The following PARP12 variants were observed in gnomAD, a reference collection of about 807,000 sequenced individuals.
PARP12 encodes protein mono-ADP-ribosyltransferase PARP12.
A neutral mutation model predicts 72.4 loss-of-function variants in PARP12; 59 were observed. That is an observed-to-expected ratio of 0.81 (90% confidence interval 0.66 to 1.01). The LOEUF (loss-of-function observed/expected upper bound fraction) is 1.01, where lower values mean the gene tolerates loss of function less well. Among genes scored for constraint, PARP12 ranks in the 50% least tolerant of loss-of-function variants. PARP12 has a pLI of 0.00. For missense variants in PARP12, 851 were observed against 914.0 expected (o/e 0.93, Z 0.89); for synonymous variants, 403 against 371.4 (o/e 1.09, Z -0.98).
chr7:140,027,867 A>G (rs1300233272), intron 9 of PARP12, among the ~76,000 whole-genome samples: 3 of 151,892 alleles, frequency 2.0e-5, no homozygotes, highest in Non-Finnish European at 4.4e-5. Flanking sequence ...TGTCCCACAC[A>G]GGTCAAAGAC....
At chr7:140,058,133 T>C (rs1349871164) in intron 1 of PARP12, 99 bp from the exon 2 acceptor site, 2 of 1,382,128 alleles carry the variant, frequency 1.4e-6, no homozygotes, top group Non-Finnish European at 2.0e-6. Flanking sequence ...ATGGCTCTAT[T>C]TGGAAAGAAG....
At chr7:140,062,328 C>T (rs1300364072) in intron 1 of PARP12, among the ~76,000 whole-genome samples, 194 bp downstream of exon 1, 1 of 152,184 alleles carries the variant, frequency 6.6e-6, no homozygotes, top group Non-Finnish European at 1.5e-5. Context: ...CCCACTCGAC[C>T]CTGAGTCCCT....
chr7:140,055,969 C>T (rs1817161142), intron 3 of PARP12, among the ~76,000 whole-genome samples: 2 of 152,222 alleles, frequency 1.3e-5, no homozygotes, highest in African/African-American at 4.8e-5. Context: ...TTTGATTCTG[C>T]TCTGAGGGGA....
intron 6 of PARP12, among the ~76,000 whole-genome samples, chr7:140,040,102 C>T (rs1816399212): frequency 6.6e-6 from 1 of 152,166 alleles, no homozygotes; most frequent in Non-Finnish European, 1.5e-5. Context: ...CCGGACAGAT[C>T]CCCAAACAGA....
intron 5 of PARP12, among the ~76,000 whole-genome samples, chr7:140,043,121 G>A (rs984398220): frequency 2.6e-5 from 4 of 152,218 alleles, no homozygotes; most frequent in African/African-American, 9.6e-5. Context: ...ATGAACCCAG[G>A]AGGCGGAGCT....
intron 1 of PARP12, among the ~76,000 whole-genome samples, chr7:140,061,256 C>A (rs1005679173): frequency 6.6e-6 from 1 of 152,178 alleles, no homozygotes; most frequent in Non-Finnish European, 1.5e-5. Flanking sequence ...ACAAAAACCT[C>A]CCATGCATCC....
intron 4 of PARP12, 104 bp downstream of exon 4, chr7:140,054,558 G>C: frequency 1.1e-6 from 1 of 933,688 alleles, no homozygotes; most frequent in Non-Finnish European, 1.7e-6. Flanking sequence ...ATCCTCTCCG[G>C]ATGGGGTAGA....
In PARP12 at chr7:140,041,710, G is replaced by A. The variant is rs1411357193; in HGVS notation, c.1116C>T (p.Ile372=). ...AGTACCAAATCCAGTCAGTGGTGAG[G>A]ATGAAGTGTGGAGGTTTGGTGACAG... is the stretch of plus-strand genomic sequence containing the variant. ...ASSVTKPPHF[I]LTTDWIWYWS... is the part of the protein sequence containing the mutation. Residue 372 remains isoleucine (I), a synonymous_variant, in exon 6 of 12, where the codon ATC becomes ATT. Transcript: ENST00000263549. 2 of 1,614,060 alleles carry A rather than the reference G, an allele frequency of 1.2e-6. No homozygotes were observed. The highest frequency in any genetic ancestry group is 2.2e-5 in the East Asian group (1 of 44,896).
At chr7:140,040,322 C>T (rs562733254) in intron 6 of PARP12, among the ~76,000 whole-genome samples, 2 of 152,246 alleles carry the variant, frequency 1.3e-5, no homozygotes, top group Admixed American at 6.5e-5. Flanking sequence ...AGTCCCAGGT[C>T]GCCCACGACG....
chr7:140,039,230 GACA>G (rs1265453491), intron 6 of PARP12, among the ~76,000 whole-genome samples: 1 of 152,040 alleles, frequency 6.6e-6, no homozygotes, highest in Non-Finnish European at 1.5e-5. Flanking sequence ...ATCCCTTTCT[GACA>G]ACAAGAGGAA....
chr7:140,048,516 G>C (rs1257353724), intron 4 of PARP12, among the ~76,000 whole-genome samples: 1 of 152,198 alleles, frequency 6.6e-6, no homozygotes, highest in African/African-American at 2.4e-5. Context: ...CATGCAGCTA[G>C]CTACCTCTGA....
chr7:140,030,216 G>A (rs1384771556), intron 8 of PARP12, among the ~76,000 whole-genome samples: 1 of 152,198 alleles, frequency 6.6e-6, no homozygotes, highest in Non-Finnish European at 1.5e-5. Flanking sequence ...GAATACAGTG[G>A]AGTGATCATC....
chr7:140,032,907 A>C (rs992066733), intron 8 of PARP12, among the ~76,000 whole-genome samples: 3 of 152,160 alleles, frequency 2.0e-5, no homozygotes. Flanking sequence ...TATAGGTTTG[A>C]CTTTTAATCA....
chr7:140,025,794 C>A (rs184274361), intron 11 of PARP12, among the ~76,000 whole-genome samples: 1 of 152,172 alleles, frequency 6.6e-6, no homozygotes, highest in Non-Finnish European at 1.5e-5. Flanking sequence ...AGATAACTCA[C>A]GTGATAGCTA....
intron 3 of PARP12, 118 bp from the exon 4 acceptor site, chr7:140,054,881 T>G: frequency 1.2e-6 from 1 of 841,264 alleles, no homozygotes; most frequent in South Asian, 1.6e-5. Context: ...CAAAGCCCTA[T>G]CGTGTTTGGG....
chr7:140,035,793 A>G (rs549390121), intron 7 of PARP12, among the ~76,000 whole-genome samples: 7 of 152,058 alleles, frequency 4.6e-5, no homozygotes, highest in African/African-American at 1.7e-4. Context: ...GAAGAAGCCA[A>G]TTCATCTCAA....
intron 5 of PARP12, among the ~76,000 whole-genome samples, chr7:140,043,142 T>A (rs939783333): frequency 1.3e-5 from 2 of 152,128 alleles, no homozygotes; most frequent in African/African-American, 2.4e-5. Flanking sequence ...TGCAGTGAGC[T>A]GAGACCGCAC....
intron 6 of PARP12, 83 bp downstream of exon 6, chr7:140,041,561 G>A: frequency 1.4e-6 from 2 of 1,391,098 alleles, no homozygotes; most frequent in Non-Finnish European, 2.0e-6. Flanking sequence ...GGATGCCCCT[G>A]GCAACAATAT....
chr7:140,033,557 G>A, intron 8 of PARP12: 2 of 985,394 alleles, frequency 2.0e-6, no homozygotes, highest in Non-Finnish European at 2.4e-6. Flanking sequence ...GTGGTTTGGA[G>A]AACACTGACC....
Sources: allele counts gnomAD v4.1 joint callset (sites outside exome capture counted in the v4.1 genomes callset), GRCh38; gene constraint gnomAD v4.1.1; transcripts MANE v1.5; gene names NCBI Gene and HGNC (gene_info 2026-07-23, HGNC 2026-07-21).